ACSL3: variants seen among roughly 807,000 people sequenced by gnomAD.
ACSL3 encodes the protein acyl-CoA synthetase long chain family member 3.
ACSL3 carries 34 observed loss-of-function variants against 84.7 expected under a neutral mutation model. The observed-to-expected ratio is 0.40, with a 90% CI of 0.31 to 0.53. The LOEUF (loss-of-function observed/expected upper bound fraction) is 0.53. Among genes scored for constraint, ACSL3 ranks in the 20% least tolerant of loss-of-function variants. The pLI is 0.48. For synonymous variants in ACSL3, 315 were observed against 299.4 expected, an observed-to-expected ratio of 1.05 and a Z score of -0.54; for missense variants, 680 against 873.1, an observed-to-expected ratio of 0.78 and a Z score of 2.79.
chr2:222,919,886 G>A (rs1045402644), intron 7 of ACSL3, among the ~76,000 whole-genome samples: 2 of 152,188 alleles, frequency 1.3e-5, no homozygotes, highest in East Asian at 3.8e-4. Context: ...TAAAAGTCTA[G>A]TACTCGAGTT....
At chr2:222,875,973 T>A (rs1338196374) in intron 1 of ACSL3, among the ~76,000 whole-genome samples, 2 of 152,230 alleles carry the variant, frequency 1.3e-5, no homozygotes, top group African/African-American at 4.8e-5. Context: ...CATTAGAGTG[T>A]TTACCTCGTT....
intron 1 of ACSL3, among the ~76,000 whole-genome samples, chr2:222,881,743 C>T (rs1157124171): frequency 1.3e-5 from 2 of 152,206 alleles, no homozygotes; most frequent in Middle Eastern, 3.4e-3. Context: ...CATGAACTGA[C>T]GTCAGGTGGT....
At chr2:222,899,674 C>T (rs571039298) in intron 2 of ACSL3, among the ~76,000 whole-genome samples, 13 of 151,968 alleles carry the variant, frequency 8.6e-5, no homozygotes, top group African/African-American at 2.9e-4. Context: ...GTAGGATGCT[C>T]CTGAAAGTAA....
intron 1 of ACSL3, among the ~76,000 whole-genome samples, chr2:222,880,083 C>G (rs1202589757): frequency 6.6e-6 from 1 of 152,130 alleles, no homozygotes; most frequent in Admixed American, 6.5e-5. Flanking sequence ...TCTGTGATGT[C>G]ACTATTGCCA....
intron 1 of ACSL3, among the ~76,000 whole-genome samples, chr2:222,863,575 A>G (rs1334883237): frequency 1.3e-5 from 2 of 152,192 alleles, no homozygotes; most frequent in Non-Finnish European, 2.9e-5. Context: ...AGACTCTTTT[A>G]TGTGAGATTT....
At chr2:222,900,148 C>T (rs1422734669) in intron 2 of ACSL3, among the ~76,000 whole-genome samples, 1 of 152,174 alleles carries the variant, frequency 6.6e-6, no homozygotes, top group Admixed American at 6.5e-5. Flanking sequence ...TGTTACTTTA[C>T]TTAATTTATC....
intron 1 of ACSL3, among the ~76,000 whole-genome samples, chr2:222,872,317 G>A (rs1358528403): frequency 6.6e-6 from 1 of 152,002 alleles, no homozygotes; most frequent in Non-Finnish European, 1.5e-5. Context: ...GTAGAGACAG[G>A]GTTTTACCAT....
chr2:222,937,048 C>T (rs1333939728), intron 16 of ACSL3, among the ~76,000 whole-genome samples: 1 of 152,124 alleles, frequency 6.6e-6, no homozygotes, highest in East Asian at 1.9e-4. Context: ...GGTGGGGACC[C>T]AGAACTAAAC....
chr2:222,881,981 G>T (rs1447722384), intron 1 of ACSL3, among the ~76,000 whole-genome samples: 1 of 152,108 alleles, frequency 6.6e-6, no homozygotes, highest in African/African-American at 2.4e-5. Context: ...AACTCAACTG[G>T]ATTAGATGTG....
Position 222,889,874 on chromosome 2 carries a change from G to C in ACSL3, c.-148+1986G>C, listed in dbSNP as rs868612887. Among the ~76,000 whole-genome samples, 46 of 152,334 alleles carry C rather than the reference G, an allele frequency of 3.0e-4. 1 individual carries two copies. The highest frequency in any genetic ancestry group is 6.8e-3 in the Middle Eastern group (2 of 294). On this transcript the variant is annotated intron_variant, in intron 2 of 16. Coordinates refer to ENST00000357430, the MANE Select transcript of ACSL3 (RefSeq NM_004457.5). ...AGCAGAGAATGGAGGTGAGAGGGAAGACAACTGGTGATCTTAGTTGCTTTG... is the reference window on the plus strand; with the variant it reads ...AGCAGAGAATGGAGGTGAGAGGGAACACAACTGGTGATCTTAGTTGCTTTG...
At chr2:222,934,710 A>G (rs765321454) in intron 16 of ACSL3, 23 bp downstream of exon 16, 2 of 1,599,988 alleles carry the variant, frequency 1.3e-6, no homozygotes, top group South Asian at 1.2e-5. Flanking sequence ...TTAAACTGAT[A>G]CTAAAAACTG....
chr2:222,941,570 G>A lies in ACSL3; in HGVS notation c.2079G>A (p.Leu693=). The A allele has an allele frequency of 6.2e-7, 1 of 1,613,166 alleles. No individual in the cohort carries two copies. The highest frequency in any genetic ancestry group is 8.5e-7 in the Non-Finnish European group (1 of 1,179,762). ...AACCGTGGACCCCTGAAACTGGTCT[G>A]GTGACAGATGCCTTCAAGCTGAAAC... ...SPEPWTPETG[L]VTDAFKLKRK... Residue 693 remains leucine (L), a synonymous_variant, in exon 17 of 17, where the codon CTG becomes CTA. Coordinates refer to ENST00000357430, the MANE Select transcript of ACSL3 (RefSeq NM_004457.5).
chr2:222,937,879 C>T (rs773954880), intron 16 of ACSL3, among the ~76,000 whole-genome samples: 2 of 144,570 alleles, frequency 1.4e-5, no homozygotes, highest in Admixed American at 6.7e-5. Context: ...TCTCTTGCTG[C>T]CTTCTTTTGT....
Position 222,919,082 on chromosome 2 carries a change from C to T in ACSL3, c.685C>T (p.Pro229Ser), listed in dbSNP as rs1306885247. 1.2e-6 allele frequency: 2 copies of T among 1,613,618 alleles called. No homozygotes were observed. Among genetic ancestry groups the T allele is most frequent in the Non-Finnish European group, 1.7e-6 (2 of 1,179,856 alleles). ...TKLKDIVSLV[P>S]RLRHIITVDG... is the part of the protein sequence containing the mutation. ...TTTCTAGGATATAGTTTCTTTGGTC[C>T]CACGCCTGCGGCACATCATCACTGT... is the stretch of plus-strand genomic sequence containing the variant. Residue 229 changes from proline (P) to serine (S), a missense_variant, in exon 7 of 17, where the codon CCA becomes TCA. Transcript: ENST00000357430.
intron 15 of ACSL3, among the ~76,000 whole-genome samples, chr2:222,934,165 AT>A (rs1697109958): frequency 6.6e-6 from 1 of 152,224 alleles, no homozygotes; most frequent in Non-Finnish European, 1.5e-5. Context: ...TTTATGTTAA[AT>A]TTTAGTTTTT....
rs767901557 is a variant in ACSL3, at chr2:222,933,168, C to T, written c.1735C>T (p.Arg579Cys). 2.5e-6 allele frequency: 4 copies of T among 1,606,600 alleles called. No individual in the cohort carries two copies. The highest frequency in any genetic ancestry group is 2.6e-6 in the Non-Finnish European group (3 of 1,174,708). Residue 579 changes from arginine to cysteine, a missense_variant and splice_region_variant, in exon 15 of 17, where the codon CGT becomes TGT. Physicochemically the swap from Arg to Cys is radical, Grantham distance 180. Coordinates refer to ENST00000357430, the MANE Select transcript of ACSL3 (RefSeq NM_004457.5). ...CTCCACCTTTCTTTGTTTTGCAGAT[C>T]GTAAAAAGGACCTTGTAAAACTACA... ...EPDGCLKIID[R>C]KKDLVKLQAG... is the part of the protein sequence containing the mutation.
chr2:222,865,533 A>G (rs1307267693), intron 1 of ACSL3, among the ~76,000 whole-genome samples: 5 of 152,246 alleles, frequency 3.3e-5, no homozygotes, highest in Non-Finnish European at 7.3e-5. Context: ...ACCACAGGAA[A>G]GAGGTGTATG....
At chr2:222,907,645 G>A (rs1368816167) in intron 3 of ACSL3, among the ~76,000 whole-genome samples, 1 of 151,704 alleles carries the variant, frequency 6.6e-6, no homozygotes, top group East Asian at 1.9e-4. Context: ...CATGCCTGTA[G>A]TCCCAACTGT....
intron 2 of ACSL3, among the ~76,000 whole-genome samples, chr2:222,898,009 C>T (rs990704076): frequency 6.6e-6 from 1 of 151,952 alleles, no homozygotes; most frequent in African/African-American, 2.4e-5. Context: ...TTCTTGAACC[C>T]TCTTCATTTG....
Sources: gnomAD v4.1 joint callset for allele counts (sites outside exome capture counted in the v4.1 genomes callset) on GRCh38, gnomAD v4.1.1 for gene constraint, MANE v1.5 for transcripts, NCBI Gene and HGNC (gene_info 2026-07-23, HGNC 2026-07-21) for gene names.